Variants in MPZL1 observed in about 807,000 individuals in gnomAD.
The protein encoded by MPZL1 is myelin protein zero-like protein 1.
MPZL1 carries 16 observed loss-of-function variants against 29.3 expected under a neutral mutation model. The observed-to-expected ratio is 0.55, with a 90% CI of 0.37 to 0.83. The LOEUF is 0.83. Among genes scored for constraint, MPZL1 ranks in the 40% least tolerant of loss-of-function variants. The pLI is 0.00. For synonymous variants in MPZL1, 143 were observed against 132.0 expected, an observed-to-expected ratio of 1.08 and a Z score of -0.57; for missense variants, 279 against 332.9, an observed-to-expected ratio of 0.84 and a Z score of 1.26.
chr1:167,788,100 C>T lies in MPZL1; in HGVS notation c.*179C>T. 1.9e-6 allele frequency: 1 copy of T among 529,594 alleles called. No individual in the cohort carries two copies. Among genetic ancestry groups the T allele is most frequent in the Non-Finnish European group, 3.5e-6 (1 of 288,478 alleles). The allele number at this position is 529,594 out of a possible 1,614,324, so 32.8% of individuals were successfully genotyped here. On this transcript the variant is annotated 3_prime_UTR_variant, in exon 6 of 6. Transcript: ENST00000359523. ...ATGTATAAATATTCTATTTAGTCATCCTGATATGAGGAGCCAGTGTTGCAT... is the reference window on the plus strand; with the variant it reads ...ATGTATAAATATTCTATTTAGTCATTCTGATATGAGGAGCCAGTGTTGCAT...
chr1:167,734,198 A>G (rs905250504), intron 1 of MPZL1, among the ~76,000 whole-genome samples: 4 of 151,178 alleles, frequency 2.6e-5, no homozygotes, highest in South Asian at 2.1e-4. Flanking sequence ...AGAGCTTGCA[A>G]CGAGCCAAGA....
Position 167,787,989 on chromosome 1 carries a change from C to A in MPZL1, c.*68C>A. ...CTGGACTCTCGTGCAGAAAATGTAGCCCATTACCACATGTAGCCTTGGAGA... is the reference window on the plus strand; with the variant it reads ...CTGGACTCTCGTGCAGAAAATGTAGACCATTACCACATGTAGCCTTGGAGA... On this transcript the variant is annotated 3_prime_UTR_variant, in exon 6 of 6. Coordinates refer to ENST00000359523, the MANE Select transcript of MPZL1 (RefSeq NM_003953.6). The A allele has an allele frequency of 7.6e-7, 1 of 1,314,308 alleles. No individual in the cohort carries two copies. Among genetic ancestry groups the A allele is most frequent in the Non-Finnish European group, 1.1e-6 (1 of 913,174 alleles). 81.4% of individuals were successfully genotyped at this position (1,314,308 alleles called of 1,614,324 possible). A position where few individuals can be genotyped will look rare whatever the true frequency, so the allele number is the denominator to read the frequency against.
intron 1 of MPZL1, among the ~76,000 whole-genome samples, chr1:167,761,423 G>T (rs1024237944): frequency 9.9e-5 from 15 of 152,196 alleles, no homozygotes; most frequent in Non-Finnish European, 1.9e-4. Flanking sequence ...CCTGGAGAGG[G>T]ATGCAGACAG....
At chr1:167,737,505 C>T (rs1660400240) in intron 1 of MPZL1, among the ~76,000 whole-genome samples, 1 of 152,154 alleles carries the variant, frequency 6.6e-6, no homozygotes, top group South Asian at 2.1e-4. Context: ...ACTTTATAAA[C>T]GCTGGGGGGC....
At chr1:167,746,293 G>A (rs1374820037) in intron 1 of MPZL1, among the ~76,000 whole-genome samples, 1 of 151,982 alleles carries the variant, frequency 6.6e-6, no homozygotes, top group Non-Finnish European at 1.5e-5. Context: ...TGGCAAAAAT[G>A]TAGGCTCTGG....
chr1:167,728,519 T>A (rs1321505750), intron 1 of MPZL1, among the ~76,000 whole-genome samples: 1 of 152,112 alleles, frequency 6.6e-6, no homozygotes, highest in African/African-American at 2.4e-5. Context: ...ATTCATTGTC[T>A]TTTTCAATGC....
rs3075159 is a variant in MPZL1, at chr1:167,744,683, CA to C, written c.92-20883del. On this transcript the variant is annotated intron_variant, in intron 1 of 5. Transcript: ENST00000359523. ...TGGGCGAAAGAGCGAAACTCAGTCT[CA>C]AAAAAAAAAAAAAAAAGAACCTCCA... Among the ~76,000 whole-genome samples the C allele has an allele frequency of 7.1e-3, 905 of 126,900 alleles. 8 individuals carry two copies. Among genetic ancestry groups the C allele is most frequent in the African/African-American group, 0.022 (766 of 34,688 alleles). The allele number at this position is 126,900 out of a possible 152,430, so 83.3% of individuals were successfully genotyped here. A position where few individuals can be genotyped will look rare whatever the true frequency, so the allele number is the denominator to read the frequency against.
chr1:167,758,164 A>G (rs1660910041), intron 1 of MPZL1, among the ~76,000 whole-genome samples: 1 of 152,118 alleles, frequency 6.6e-6, no homozygotes, highest in African/African-American at 2.4e-5. Flanking sequence ...CAAAAAAAAA[A>G]AAAAAAGATA....
At chr1:167,774,302 G>C (rs955853936) in intron 4 of MPZL1, among the ~76,000 whole-genome samples, 1 of 152,194 alleles carries the variant, frequency 6.6e-6, no homozygotes, top group Non-Finnish European at 1.5e-5. Flanking sequence ...CATGAGCAGT[G>C]TTGCAGATGC....
In MPZL1 at chr1:167,748,676, C is replaced by G. The variant is rs186650151; in HGVS notation, c.92-16907C>G. ...GTTACTCATGCTTTTGGTGTGTTAT[C>G]TAAGAAACCATTGCCTAATACAAGA... On this transcript the variant is annotated intron_variant, in intron 1 of 5. Transcript: ENST00000359523. Among the ~76,000 whole-genome samples the G allele has an allele frequency of 4.6e-5, 7 of 152,182 alleles. No individual in the cohort carries two copies. The East Asian group carries it at 1.4e-3, about 29-fold the overall frequency.
At chr1:167,737,707 T>A (rs1436900495) in intron 1 of MPZL1, among the ~76,000 whole-genome samples, 1 of 152,132 alleles carries the variant, frequency 6.6e-6, no homozygotes, top group East Asian at 1.9e-4. Context: ...AACTGACAGG[T>A]GCATTGGATT....
chr1:167,726,333 T>A (rs2101743743), intron 1 of MPZL1, among the ~76,000 whole-genome samples: 1 of 152,378 alleles, frequency 6.6e-6, no homozygotes, highest in South Asian at 2.1e-4. Flanking sequence ...GTTTGCCGTT[T>A]ACTTCCTTAT....
intron 4 of MPZL1, 131 bp from the exon 5 acceptor site, chr1:167,775,933 T>G: frequency 2.0e-5 from 10 of 503,224 alleles, no homozygotes; most frequent in Non-Finnish European, 3.3e-5. Flanking sequence ...TTGACACCCA[T>G]TGTTATGTTG....
intron 3 of MPZL1, among the ~76,000 whole-genome samples, chr1:167,773,017 G>T (rs1164650187): frequency 1.3e-5 from 2 of 152,156 alleles, no homozygotes; most frequent in East Asian, 3.8e-4. Context: ...GGGATTGTAG[G>T]TGTAGAAATG....
intron 2 of MPZL1, among the ~76,000 whole-genome samples, chr1:167,768,942 A>G (rs539150008): frequency 3.3e-5 from 5 of 152,348 alleles, no homozygotes; most frequent in Admixed American, 6.5e-5. Flanking sequence ...TTTATGGTTC[A>G]TTTTCTAGTG....
intron 1 of MPZL1, among the ~76,000 whole-genome samples, chr1:167,757,364 T>G (rs1311586452): frequency 1.3e-5 from 2 of 152,232 alleles, no homozygotes; most frequent in Admixed American, 1.3e-4. Flanking sequence ...AAGTAAATCT[T>G]TTATTGCTTT....
chr1:167,743,243 G>A (rs1169082677), intron 1 of MPZL1, among the ~76,000 whole-genome samples: 2 of 151,090 alleles, frequency 1.3e-5, no homozygotes, highest in Non-Finnish European at 1.5e-5. Flanking sequence ...ACAGAGTCTC[G>A]CTCTGTCGCC....
intron 1 of MPZL1, among the ~76,000 whole-genome samples, chr1:167,742,440 A>G (rs1660550966): frequency 3.3e-5 from 5 of 152,134 alleles, no homozygotes; most frequent in Admixed American, 3.3e-4. Context: ...TAAAAAAGAT[A>G]CTTGCCAACT....
At chr1:167,722,505 C>T (rs886131869) in intron 1 of MPZL1, among the ~76,000 whole-genome samples, 1 of 152,048 alleles carries the variant, frequency 6.6e-6, no homozygotes, top group African/African-American at 2.4e-5. Context: ...TTACCTTGCT[C>T]CTTCCCGGGG....
Sources: allele counts gnomAD v4.1 joint callset (sites outside exome capture counted in the v4.1 genomes callset), GRCh38; gene constraint gnomAD v4.1.1; transcripts MANE v1.5; gene names NCBI Gene and HGNC (gene_info 2026-07-23, HGNC 2026-07-21).